CCDC122: variants seen among roughly 807,000 people sequenced by gnomAD.
The protein encoded by CCDC122 is coiled-coil domain-containing protein 122.
CCDC122 carries 38 observed loss-of-function variants against 37.0 expected under a neutral mutation model. The observed-to-expected ratio is 1.03, with a 90% CI of 0.79 to 1.35. The LOEUF (loss-of-function observed/expected upper bound fraction) is 1.35. Among genes scored for constraint, CCDC122 ranks in the 40% most tolerant of loss-of-function variants. The probability of loss-of-function intolerance (pLI) is 0.00; values close to 1 mark genes in which losing one functional copy is unlikely to be tolerated. For missense variants in CCDC122, 305 were observed against 310.0 expected (o/e 0.98, Z 0.12); for synonymous variants, 83 against 95.6 (o/e 0.87, Z 0.77).
chr13:43,871,177 G>A (rs1954438557), intron 2 of CCDC122, among the ~76,000 whole-genome samples: 2 of 152,222 alleles, frequency 1.3e-5, no homozygotes, highest in African/African-American at 4.8e-5. Flanking sequence ...TTCCTATGAT[G>A]CTAAAACGTC....
intron 5 of CCDC122, 140 bp from the exon 6 acceptor site, chr13:43,859,037 T>C (rs1954021384): frequency 1.8e-6 from 1 of 568,858 alleles, no homozygotes; most frequent in Non-Finnish European, 2.7e-6. Flanking sequence ...ATATTACTTC[T>C]ATACGTATAC....
intron 5 of CCDC122, 39 bp downstream of exon 5, chr13:43,859,633 G>A: frequency 7.0e-6 from 10 of 1,419,670 alleles, no homozygotes; most frequent in Non-Finnish European, 9.3e-6. Context: ...CAAAAAAGGA[G>A]TAATAGAAAA....
intron 1 of CCDC122, among the ~76,000 whole-genome samples, chr13:43,877,490 A>C (rs1341969150): frequency 6.6e-6 from 1 of 152,080 alleles, no homozygotes; most frequent in Non-Finnish European, 1.5e-5. Flanking sequence ...CATTTTTTCC[A>C]CTTATTTCTT....
At chr13:43,826,143 G>C (rs1230077118) in intron 3 of CCDC122, among the ~76,000 whole-genome samples, 1 of 152,000 alleles carries the variant, frequency 6.6e-6, no homozygotes, top group Non-Finnish European at 1.5e-5. Flanking sequence ...TTGGAAATAT[G>C]CACATTATTA....
chr13:43,858,536 C>G (rs951683520), intron 6 of CCDC122: 1 of 199,808 alleles, frequency 5.0e-6, no homozygotes, highest in Non-Finnish European at 9.8e-6. Flanking sequence ...CTGGAAGAAC[C>G]CTCGCCCAGA....
chr13:43,853,096 C>T (rs181173121), intron 6 of CCDC122, among the ~76,000 whole-genome samples: 34 of 151,846 alleles, frequency 2.2e-4, no homozygotes, highest in African/African-American at 7.7e-4. Context: ...GCAAAATAAC[C>T]AGTTACCATC....
chr13:43,839,542 C>T (rs146519322), intron 6 of CCDC122, among the ~76,000 whole-genome samples: 2 of 152,148 alleles, frequency 1.3e-5, no homozygotes, highest in African/African-American at 4.8e-5. Context: ...ATAAATAATA[C>T]TGCCATGAAC....
In CCDC122 at chr13:43,825,038, C is replaced by T. The variant is rs937443508; in HGVS notation, n.602-1027G>A. Among the ~76,000 whole-genome samples the T allele has an allele frequency of 2.0e-5, 3 of 152,338 alleles. No homozygotes were observed. In the East Asian group the frequency reaches 5.8e-4, roughly 29 times the overall value. ...GAACTACCATTCAACCCAGCAGTCC[C>T]ATTACTGGGTATATACTCAAAGGAA... On this transcript the variant is annotated intron_variant and non_coding_transcript_variant, in intron 3 of 3. Coordinates refer to the CCDC122 transcript ENST00000470137.
chr13:43,858,694 T>C, intron 6 of CCDC122, 87 bp downstream of exon 6: 2 of 958,200 alleles, frequency 2.1e-6, no homozygotes, highest in South Asian at 2.3e-5. Flanking sequence ...TTTTGAGTAT[T>C]GAGAGTAAAC....
chr13:43,868,823 TA>T lies in CCDC122; in HGVS notation c.47-21del. ...GGTTATCTACAATTAGACAAAAGAA[TA>T]AAGTATATAATAAAAATTAAAATAC... On this transcript the variant is annotated intron_variant, in intron 3 of 6. Transcript: ENST00000444614. 1 of 1,170,756 alleles carries T rather than the reference TA, an allele frequency of 8.5e-7. No homozygotes were observed. Among genetic ancestry groups the T allele is most frequent in the African/African-American group, 1.6e-5 (1 of 61,990 alleles). 72.5% of individuals were successfully genotyped at this position (1,170,756 alleles called of 1,614,324 possible). A position where few individuals can be genotyped will look rare whatever the true frequency, so the allele number is the denominator to read the frequency against.
intron 6 of CCDC122, chr13:43,854,259 A>C (rs927365068): frequency 2.0e-5 from 3 of 152,288 alleles, no homozygotes; most frequent in Admixed American, 6.5e-5. Context: ...AGAATAGAGA[A>C]GATCAAAATA....
At chr13:43,823,077 A>G (rs973405427), downstream of CCDC122, among the ~76,000 whole-genome samples, 2 of 152,054 alleles carry the variant, frequency 1.3e-5, no homozygotes, top group African/African-American at 4.8e-5. Flanking sequence ...AACACATCTC[A>G]GAGCCCAAGG....
chr13:43,874,705 T>C (rs550663262), intron 2 of CCDC122, 137 bp downstream of exon 2: 2 of 152,382 alleles, frequency 1.3e-5, no homozygotes, highest in South Asian at 4.1e-4. Flanking sequence ...CATCTACCGA[T>C]AATTCATTAG....
At chr13:43,845,711 AAAAAC>A (rs59721051) in intron 6 of CCDC122, among the ~76,000 whole-genome samples, 13 of 150,980 alleles carry the variant, frequency 8.6e-5, no homozygotes, top group African/African-American at 1.5e-4. Flanking sequence ...CTCCATCTCT[AAAAAC>A]AAAACAAAAC....
At chr13:43,869,684 T>A (rs890305705) in intron 2 of CCDC122, among the ~76,000 whole-genome samples, 195 bp from the exon 3 acceptor site, 6 of 152,042 alleles carry the variant, frequency 3.9e-5, no homozygotes, top group African/African-American at 1.4e-4. Flanking sequence ...CAGCCCCTCA[T>A]CTTCAAAACT....
chr13:43,826,077 T>C (rs1471629358), intron 3 of CCDC122, among the ~76,000 whole-genome samples: 3 of 152,210 alleles, frequency 2.0e-5, no homozygotes, highest in Non-Finnish European at 4.4e-5. Flanking sequence ...GAATATATTG[T>C]CTGTAATGCT....
intron 2 of CCDC122, among the ~76,000 whole-genome samples, chr13:43,873,039 A>AT (rs1293990117): frequency 6.6e-6 from 1 of 152,156 alleles, no homozygotes; most frequent in African/African-American, 2.4e-5. Context: ...TATTGGCATC[A>AT]TTTAACACAT....
intron 6 of CCDC122, among the ~76,000 whole-genome samples, chr13:43,837,728 AC>A (rs1419434648): frequency 6.6e-6 from 1 of 152,116 alleles, no homozygotes; most frequent in Non-Finnish European, 1.5e-5. Context: ...AAGTAATTTG[AC>A]CAAAGTTTCA....
At chr13:43,852,411 T>G (rs1953769673) in intron 6 of CCDC122, among the ~76,000 whole-genome samples, 1 of 151,538 alleles carries the variant, frequency 6.6e-6, no homozygotes, top group African/African-American at 2.4e-5. Context: ...CTTTCTAAAA[T>G]AAGACAGTCA....
Sources: allele counts gnomAD v4.1 joint callset (sites outside exome capture counted in the v4.1 genomes callset), GRCh38; gene constraint gnomAD v4.1.1; transcripts MANE v1.5; gene names NCBI Gene and HGNC (gene_info 2026-07-23, HGNC 2026-07-21).